ABLIM1: variants seen among roughly 807,000 people sequenced by gnomAD.
ABLIM1 encodes actin-binding LIM protein 1.
Under a neutral mutation model 107.0 loss-of-function variants are expected in ABLIM1, and 40 were observed. The observed-to-expected ratio is 0.37, with a 90% CI of 0.29 to 0.49. The LOEUF is 0.49. Among genes scored for constraint, ABLIM1 ranks in the 20% least tolerant of loss-of-function variants. ABLIM1 has a pLI of 0.97. For synonymous variants in ABLIM1, 357 were observed against 357.3 expected (o/e 1.00, Z 0.01); for missense variants, 857 against 1,008.5 (o/e 0.85, Z 2.04).
intron 14 of ABLIM1, among the ~76,000 whole-genome samples, chr10:114,448,672 G>T (rs1238423057): frequency 6.6e-6 from 1 of 151,150 alleles, no homozygotes; most frequent in East Asian, 1.9e-4. Context: ...GGAGTGCAGT[G>T]GTACAATCTT....
upstream of ABLIM1, among the ~76,000 whole-genome samples, chr10:114,768,275 C>A (rs919862486): frequency 2.0e-5 from 3 of 146,410 alleles, no homozygotes; most frequent in African/African-American, 4.9e-5. Flanking sequence ...ACCCGCCGGG[C>A]GCGGCAGCGC....
rs192517658 is a variant in ABLIM1 at position 114,607,219 on chromosome 10, C to T, written c.245-5258G>A. ...CTGGGACTACAGGTGTGCACCACCA[C>T]GCTCAGCTAATTTTTGTATTTTAGT... On this transcript the variant is annotated intron_variant, in intron 1 of 22. Transcript: ENST00000533213. Among the ~76,000 whole-genome samples the T allele has an allele frequency of 4.2e-3, 643 of 152,268 alleles. 4 individuals carry two copies. Among genetic ancestry groups the T allele is most frequent in the Admixed American group, 9.2e-3 (141 of 15,300 alleles).
At chr10:114,622,947 A>G (rs1211322845) in intron 1 of ABLIM1, among the ~76,000 whole-genome samples, 1 of 152,146 alleles carries the variant, frequency 6.6e-6, no homozygotes, top group Admixed American at 6.5e-5. Context: ...AAGATAGCTG[A>G]TTAACTCTTT....
chr10:114,457,268 T>C (rs1385327962), intron 12 of ABLIM1, among the ~76,000 whole-genome samples: 3 of 151,392 alleles, frequency 2.0e-5, no homozygotes, highest in African/African-American at 7.4e-5. Flanking sequence ...CTGTATTTAT[T>C]TTTATTTTTA....
At chr10:114,659,349 A>G (rs552953176), upstream of ABLIM1, among the ~76,000 whole-genome samples, 2 of 151,946 alleles carry the variant, frequency 1.3e-5, no homozygotes, top group East Asian at 3.9e-4. Flanking sequence ...CTACAGAAAA[A>G]AAAAAAAAAA....
Position 114,540,905 on chromosome 10 carries a change from C to A in ABLIM1, c.894+4100G>T, listed in dbSNP as rs182997046. On this transcript the variant is annotated intron_variant, in intron 6 of 22. Coordinates refer to ENST00000533213, the MANE Select transcript of ABLIM1 (RefSeq NM_002313.7). ...GAGACTCCCTATCAATTCCCTGGAA[C>A]CTGTGAATGCTAGCTTATTTGGGAG... 1.9e-3 allele frequency among the ~76,000 whole-genome samples: 283 copies of A among 152,254 alleles called. 2 individuals carry two copies. Among genetic ancestry groups the A allele is most frequent in the African/African-American group, 6.6e-3 (273 of 41,544 alleles).
chr10:114,767,234 G>T (rs1377572922), intron 1 of ABLIM1, among the ~76,000 whole-genome samples: 1 of 152,184 alleles, frequency 6.6e-6, no homozygotes, highest in Non-Finnish European at 1.5e-5. Flanking sequence ...CTTACAGGTT[G>T]CCTTCAGGGT....
At chr10:114,764,483 A>T (rs1407122066) in intron 1 of ABLIM1, among the ~76,000 whole-genome samples, 1 of 152,144 alleles carries the variant, frequency 6.6e-6, no homozygotes, top group Non-Finnish European at 1.5e-5. Context: ...CTGGGATTAC[A>T]GGCGTGTGCC....
the ABLIM1 span, among the ~76,000 whole-genome samples, chr10:114,775,479 A>G: frequency 1.3e-5 from 2 of 152,194 alleles, no homozygotes; most frequent in South Asian, 2.1e-4. Context: ...GAGGTGAGGC[A>G]TATTTTAGAA....
chr10:114,505,843 A>G (rs1351106990), intron 6 of ABLIM1, among the ~76,000 whole-genome samples: 1 of 152,048 alleles, frequency 6.6e-6, no homozygotes, highest in African/African-American at 2.4e-5. Flanking sequence ...CAGTATTTCT[A>G]TTCTTAAAAA....
intron 1 of ABLIM1, among the ~76,000 whole-genome samples, chr10:114,609,581 A>T (rs1481499540): frequency 1.3e-5 from 2 of 152,244 alleles, no homozygotes; most frequent in African/African-American, 4.8e-5. Flanking sequence ...AAATGTCTGA[A>T]ATAGTTCTGA....
intron 1 of ABLIM1, chr10:114,684,220 TC>T: frequency 6.7e-7 from 1 of 1,492,550 alleles, no homozygotes; most frequent in Non-Finnish European, 9.1e-7. Flanking sequence ...CCTGCATCTT[TC>T]CTCATCTTTA....
At chr10:114,497,225 C>T (rs1376944287) in intron 6 of ABLIM1, among the ~76,000 whole-genome samples, 1 of 152,208 alleles carries the variant, frequency 6.6e-6, no homozygotes, top group East Asian at 1.9e-4. Flanking sequence ...TGGCAGACAA[C>T]GGCATGAAGG....
the ABLIM1 span, among the ~76,000 whole-genome samples, chr10:114,789,237 G>A: frequency 2.4e-4 from 37 of 151,752 alleles, no homozygotes; most frequent in South Asian, 1.7e-3. Flanking sequence ...CCTGGGCGAC[G>A]GAACAAGACT....
intron 1 of ABLIM1, among the ~76,000 whole-genome samples, chr10:114,738,706 A>C (rs1174609053): frequency 1.3e-5 from 2 of 152,134 alleles, no homozygotes; most frequent in Admixed American, 1.3e-4. Flanking sequence ...GTGCCTCAAA[A>C]CCGAAACAAA....
intron 15 of ABLIM1, 53 bp downstream of exon 15, chr10:114,447,827 C>G: frequency 6.3e-7 from 1 of 1,599,510 alleles, no homozygotes; most frequent in East Asian, 2.2e-5. Flanking sequence ...AGCATGTCAT[C>G]TTGAGCTCTC....
intron 6 of ABLIM1, among the ~76,000 whole-genome samples, chr10:114,497,681 CAAAAAAAAAAAAAA>C (rs576676119): frequency 1.3e-5 from 1 of 75,590 alleles, no homozygotes; most frequent in Non-Finnish European, 2.5e-5. Context: ...GATTCTGTCT[CAAAAAAAAAAAAAA>C]AAAAAAAAAA....
chr10:114,771,946 A>G (rs2083029581), upstream of ABLIM1, among the ~76,000 whole-genome samples: 1 of 152,180 alleles, frequency 6.6e-6, no homozygotes, highest in Non-Finnish European at 1.5e-5. Context: ...TGATTTTTTA[A>G]ATAATTGAAT....
At chr10:114,720,610 G>C (rs550165669) in intron 1 of ABLIM1, among the ~76,000 whole-genome samples, 7 of 152,226 alleles carry the variant, frequency 4.6e-5, no homozygotes, top group African/African-American at 1.4e-4. Flanking sequence ...CACAGAGAGA[G>C]ATCTTTGGGA....
Sources: allele counts gnomAD v4.1 joint callset (sites outside exome capture counted in the v4.1 genomes callset), GRCh38; gene constraint gnomAD v4.1.1; transcripts MANE v1.5; gene names NCBI Gene and HGNC (gene_info 2026-07-23, HGNC 2026-07-21).